Variants in STON1 observed in about 807,000 individuals in gnomAD.
STON1 encodes stonin-1.
In STON1, 79 loss-of-function variants were observed where a neutral mutation model predicts 60.9. The observed-to-expected ratio is 1.30, with a 90% CI of 1.08 to 1.56. STON1 has a LOEUF of 1.56. Among genes scored for constraint, STON1 ranks in the 40% most tolerant of loss-of-function variants. STON1 has a pLI of 0.00. For synonymous variants in STON1, 363 were observed against 306.9 expected (o/e 1.18, Z -1.91); for missense variants, 1,166 against 858.9 (o/e 1.36, Z -4.47).
chr2:48,595,361 C>T lies in STON1; in HGVS notation c.*59C>T. On this transcript the variant is annotated 3_prime_UTR_variant, in exon 4 of 4. Transcript: ENST00000404752. ...TCAAATATGTAATTCACCGAAACCA[C>T]ACCAAGTCCTGCTACTGTAGAGTGG... The T allele has an allele frequency of 6.9e-7, 1 of 1,439,674 alleles. No individual in the cohort carries two copies. The highest frequency in any genetic ancestry group is 9.7e-7 in the Non-Finnish European group (1 of 1,025,674). 89.2% of individuals were successfully genotyped at this position (1,439,674 alleles called of 1,614,324 possible).
chr2:48,544,395 G>A (rs967462744), intron 1 of STON1, among the ~76,000 whole-genome samples: 2 of 152,176 alleles, frequency 1.3e-5, no homozygotes, highest in African/African-American at 2.4e-5. Context: ...ATTTAAAACA[G>A]CTATGGCCCA....
rs11475306 is a variant in STON1, at chr2:48,554,707, ATTTT to A, written c.-48+24506_-48+24509del. Among the ~76,000 whole-genome samples the A allele has an allele frequency of 2.4e-3, 215 of 88,774 alleles. 41 individuals carry two copies. The highest frequency in any genetic ancestry group is 5.5e-3 in the Middle Eastern group (1 of 182). 58.2% of individuals were successfully genotyped at this position (88,774 alleles called of 152,430 possible). On this transcript the variant is annotated intron_variant, in intron 1 of 3. Transcript: ENST00000404752. ...TTTCTACTCAAACTTTAAGTGCAAA[ATTTT>A]TTTTTTTTTTTTTTATTTATTTATT...
intron 1 of STON1, among the ~76,000 whole-genome samples, chr2:48,545,324 C>G (rs1461363672): frequency 6.6e-6 from 1 of 152,164 alleles, no homozygotes; most frequent in Non-Finnish European, 1.5e-5. Context: ...CTTTCAACAG[C>G]CCCTGCTTGT....
chr2:48,549,889 T>C (rs1462746958), intron 1 of STON1, among the ~76,000 whole-genome samples: 1 of 97,732 alleles, frequency 1.0e-5, no homozygotes, highest in Non-Finnish European at 2.0e-5. Context: ...TGGCTGGGGG[T>C]GGGTGGGGTG....
chr2:48,561,485 A>G (rs1045018248), intron 1 of STON1, among the ~76,000 whole-genome samples: 2 of 152,228 alleles, frequency 1.3e-5, no homozygotes, highest in African/African-American at 2.4e-5. Flanking sequence ...AAAATCATCA[A>G]ATAGAAGCCT....
At position 48,581,375 on chromosome 2, in the gene STON1, TTGTCTATGCAC is replaced by T; in HGVS notation, c.751_761del (p.His251CysfsTer2). 1.3e-6 allele frequency: 2 copies of T among 1,577,796 alleles called. No homozygotes were observed. Among genetic ancestry groups the T allele is most frequent in the Non-Finnish European group, 1.7e-6 (2 of 1,162,244 alleles). ...TGAGAACCAAGACTCACTTAGAAGT[TTGTCTATGCAC>T]TGTCTATGTGCTGAAGAAAATGCCT... On this transcript the variant is annotated frameshift_variant, in exon 2 of 4. Coordinates refer to ENST00000404752, the MANE Select transcript of STON1 (RefSeq NM_006873.4). LOFTEE classifies it high-confidence loss of function.
chr2:48,569,012 C>T (rs1289369699), intron 1 of STON1: 5 of 152,220 alleles, frequency 3.3e-5, no homozygotes, highest in Non-Finnish European at 5.9e-5. Context: ...TCTGGACCTC[C>T]GGGTGGTGGA....
At chr2:48,562,364 C>T (rs1672648217) in intron 1 of STON1, among the ~76,000 whole-genome samples, 1 of 152,172 alleles carries the variant, frequency 6.6e-6, no homozygotes, top group Admixed American at 6.5e-5. Flanking sequence ...AGTGGGGATG[C>T]CTGCAGGTTT....
At chr2:48,573,277 C>T (rs1437159541) in intron 1 of STON1, among the ~76,000 whole-genome samples, 1 of 152,166 alleles carries the variant, frequency 6.6e-6, no homozygotes, top group Non-Finnish European at 1.5e-5. Context: ...GCAGGAGGAT[C>T]ACTTCAGCCC....
chr2:48,552,129 A>G (rs1314093300), intron 1 of STON1, among the ~76,000 whole-genome samples: 3 of 152,248 alleles, frequency 2.0e-5, no homozygotes, highest in Non-Finnish European at 4.4e-5. Context: ...GATAAACAAA[A>G]TGGGGCATGT....
At chr2:48,540,047 C>G (rs1040053258) in intron 1 of STON1, among the ~76,000 whole-genome samples, 2 of 152,150 alleles carry the variant, frequency 1.3e-5, no homozygotes, top group Non-Finnish European at 1.5e-5. Context: ...GTATTTAGGC[C>G]TCTTGCTGCG....
At chr2:48,594,638 G>C (rs966839240) in intron 3 of STON1, among the ~76,000 whole-genome samples, 2 of 152,158 alleles carry the variant, frequency 1.3e-5, no homozygotes, top group Non-Finnish European at 2.9e-5. Flanking sequence ...ACGGGATAGA[G>C]AGTGACTGGA....
chr2:48,534,263 C>G (rs1671338114), intron 1 of STON1, among the ~76,000 whole-genome samples: 1 of 152,102 alleles, frequency 6.6e-6, no homozygotes, highest in Admixed American at 6.6e-5. Flanking sequence ...GAACTAAGCA[C>G]TTACATATGG....
intron 1 of STON1, among the ~76,000 whole-genome samples, chr2:48,538,721 C>T (rs1460865666): frequency 1.3e-5 from 2 of 150,292 alleles, no homozygotes; most frequent in Non-Finnish European, 3.0e-5. Context: ...CCTCAGCCTC[C>T]CGAGTTGCTG....
intron 1 of STON1, among the ~76,000 whole-genome samples, chr2:48,542,565 C>A (rs182791985): frequency 1.6e-4 from 25 of 152,178 alleles, no homozygotes; most frequent in African/African-American, 7.2e-5. Context: ...CTCCCATTAT[C>A]TCCACTCTCC....
At chr2:48,534,382 T>C (rs527812570) in intron 1 of STON1, among the ~76,000 whole-genome samples, 1 of 152,166 alleles carries the variant, frequency 6.6e-6, no homozygotes, top group Non-Finnish European at 1.5e-5. Context: ...AGCCACTAAG[T>C]GCTGGAATCA....
At chr2:48,577,163 T>G (rs748101669) in intron 1 of STON1, among the ~76,000 whole-genome samples, 7 of 152,314 alleles carry the variant, frequency 4.6e-5, no homozygotes, top group East Asian at 1.9e-4. Context: ...GTGCAGAAAC[T>G]TTTAAGTTTA....
chr2:48,586,082 C>T (rs1356589832), intron 2 of STON1, among the ~76,000 whole-genome samples: 1 of 152,240 alleles, frequency 6.6e-6, no homozygotes, highest in East Asian at 1.9e-4. Context: ...TGGCTAAAGC[C>T]TGGCCAGGGT....
intron 2 of STON1, among the ~76,000 whole-genome samples, chr2:48,590,966 A>C (rs1674481129): frequency 6.6e-6 from 1 of 152,190 alleles, no homozygotes; most frequent in South Asian, 2.1e-4. Flanking sequence ...TTTTAAAATA[A>C]TGCGACTTAA....
Sources: gnomAD v4.1 joint callset for allele counts (sites outside exome capture counted in the v4.1 genomes callset) on GRCh38, gnomAD v4.1.1 for gene constraint, MANE v1.5 for transcripts, NCBI Gene and HGNC (gene_info 2026-07-23, HGNC 2026-07-21) for gene names.